Variants in EBPL observed in about 807,000 individuals in gnomAD.
EBPL encodes emopamil-binding protein-like.
EBPL carries 20 observed loss-of-function variants against 19.0 expected under a neutral mutation model. The ratio of observed to expected loss-of-function variants is 1.05; its 90% CI spans 0.74 to 1.53. The LOEUF (loss-of-function observed/expected upper bound fraction) is 1.53, where lower values mean the gene tolerates loss of function less well. Ranked by LOEUF, EBPL falls within the 40% of genes most tolerant of loss-of-function variation. The pLI, the probability that EBPL is intolerant of heterozygous loss-of-function variation, is 0.00. For synonymous variants in EBPL, 107 were observed against 117.0 expected (o/e 0.91, Z 0.55); for missense variants, 219 against 261.1 (o/e 0.84, Z 1.11).
intron 1 of EBPL, among the ~76,000 whole-genome samples, chr13:49,687,881 T>A (rs1291113495): frequency 6.6e-6 from 1 of 152,206 alleles, no homozygotes; most frequent in East Asian, 1.9e-4. Context: ...CACTAAATTA[T>A]CTTTATGAAG....
chr13:49,686,068 C>G (rs1276961684), intron 1 of EBPL, among the ~76,000 whole-genome samples: 1 of 152,222 alleles, frequency 6.6e-6, no homozygotes, highest in Non-Finnish European at 1.5e-5. Context: ...CCCAGGTTTT[C>G]TGTGACAGCT....
chr13:49,661,307 C>T (rs1188270815), intron 3 of EBPL, 99 bp from the exon 4 acceptor site: 20 of 1,004,714 alleles, frequency 2.0e-5, no homozygotes, highest in Middle Eastern at 2.1e-4. Context: ...CAACAGTCTT[C>T]GCTATGAAAA....
chr13:49,670,453 G>C (rs1953799686), intron 1 of EBPL, among the ~76,000 whole-genome samples: 1 of 152,158 alleles, frequency 6.6e-6, no homozygotes, highest in African/African-American at 2.4e-5. Context: ...TAAACAGCTA[G>C]AAGCCACTGG....
chr13:49,674,608 G>A (rs1316998374), intron 1 of EBPL, among the ~76,000 whole-genome samples: 2 of 127,264 alleles, frequency 1.6e-5, no homozygotes, highest in African/African-American at 5.5e-5. Flanking sequence ...TTTGGCAACT[G>A]TCAGGACTTA....
chr13:49,675,121 T>C (rs566210015), intron 1 of EBPL, among the ~76,000 whole-genome samples: 3 of 152,310 alleles, frequency 2.0e-5, no homozygotes, highest in African/African-American at 7.2e-5. Context: ...TTAGACAGTT[T>C]TGTCATTGTG....
At chr13:49,676,251 T>C (rs961088085) in intron 1 of EBPL, among the ~76,000 whole-genome samples, 2 of 86,392 alleles carry the variant, frequency 2.3e-5, no homozygotes, top group Non-Finnish European at 3.2e-5. Flanking sequence ...GCAGTGAATC[T>C]TGAGCCCCCC....
chr13:49,669,132 G>C (rs1288528312), intron 2 of EBPL, among the ~76,000 whole-genome samples: 2 of 152,148 alleles, frequency 1.3e-5, no homozygotes, highest in Non-Finnish European at 2.9e-5. Flanking sequence ...ACCTGCCTCA[G>C]CCTCCCAAAG....
intron 1 of EBPL, among the ~76,000 whole-genome samples, chr13:49,676,538 G>A (rs1566318312): frequency 6.6e-6 from 1 of 152,080 alleles, no homozygotes; most frequent in Non-Finnish European, 1.5e-5. Flanking sequence ...CTTCCAGTGA[G>A]CCCAGATCAT....
At chr13:49,684,331 G>C (rs757682570) in intron 1 of EBPL, among the ~76,000 whole-genome samples, 4 of 152,190 alleles carry the variant, frequency 2.6e-5, no homozygotes, top group African/African-American at 4.8e-5. Flanking sequence ...ACAAATATAG[G>C]TATATCTCAA....
chr13:49,679,894 T>C (rs928733084), intron 1 of EBPL, among the ~76,000 whole-genome samples: 2 of 145,818 alleles, frequency 1.4e-5, no homozygotes, highest in African/African-American at 4.9e-5. Context: ...TATATATATA[T>C]ATTAGTCAAT....
At chr13:49,669,727 G>A in intron 2 of EBPL, 50 bp downstream of exon 2, 1 of 1,512,478 alleles carries the variant, frequency 6.6e-7, no homozygotes, top group South Asian at 1.1e-5. Context: ...AGTCACACTT[G>A]CAATAAACCT....
chr13:49,661,661 A>C (rs1965150398), intron 3 of EBPL: 2 of 866,066 alleles, frequency 2.3e-6, no homozygotes, highest in Non-Finnish European at 2.8e-6. Context: ...AATAATGCAA[A>C]TATCACAAAT....
intron 1 of EBPL, among the ~76,000 whole-genome samples, chr13:49,686,032 T>C (rs1043922257): frequency 2.0e-5 from 3 of 151,982 alleles, no homozygotes; most frequent in African/African-American, 7.3e-5. Context: ...AGGTGTTAGG[T>C]GGGATGCATG....
chr13:49,675,039 T>C (rs1023151383), intron 1 of EBPL, among the ~76,000 whole-genome samples: 3 of 152,216 alleles, frequency 2.0e-5, no homozygotes, highest in Admixed American at 1.3e-4. Flanking sequence ...GTATTTTAGG[T>C]ACCTCGTGTA....
chr13:49,669,710 G>A lies in EBPL; in HGVS notation c.241+67C>T, dbSNP rs1329759775. On this transcript the variant is annotated intron_variant, in intron 2 of 3. Coordinates refer to ENST00000242827, the MANE Select transcript of EBPL (RefSeq NM_032565.5). Reference sequence around the variant, plus strand: ...AAGTCATACAGTATATAATAGAGGCGTTTGACAGTCACACTTGCAATAAAC... The same window carrying A: ...AAGTCATACAGTATATAATAGAGGCATTTGACAGTCACACTTGCAATAAAC... 35 of 1,389,094 alleles carry A rather than the reference G, an allele frequency of 2.5e-5. No individual in the cohort carries two copies. In the East Asian group the frequency reaches 3.6e-4, roughly 14 times the overall value. The allele number at this position is 1,389,094 out of a possible 1,614,324, so 86.0% of individuals were successfully genotyped here.
intron 1 of EBPL, among the ~76,000 whole-genome samples, chr13:49,674,165 G>A (rs1953850926): frequency 6.6e-6 from 1 of 152,096 alleles, no homozygotes; most frequent in Non-Finnish European, 1.5e-5. Context: ...GTGCAGTGGT[G>A]CGACCTTGGC....
intron 1 of EBPL, among the ~76,000 whole-genome samples, chr13:49,677,456 C>A (rs1953888651): frequency 1.3e-5 from 2 of 152,180 alleles, no homozygotes; most frequent in Admixed American, 1.3e-4. Context: ...CTTACCCTAA[C>A]AGAACTCACA....
chr13:49,691,159 G>T (rs1954059142), intron 1 of EBPL, 95 bp downstream of exon 1: 8 of 1,112,242 alleles, frequency 7.2e-6, no homozygotes, highest in Non-Finnish European at 8.0e-6. Context: ...CGGCCAGCTC[G>T]CTGCAAAAAG....
chr13:49,677,882 G>C (rs1199863786), intron 1 of EBPL, among the ~76,000 whole-genome samples: 1 of 152,230 alleles, frequency 6.6e-6, no homozygotes, highest in African/African-American at 2.4e-5. Context: ...CTTCTGGTGG[G>C]TTCGTGGTCT....
Sources: gnomAD v4.1 joint callset for allele counts (sites outside exome capture counted in the v4.1 genomes callset) on GRCh38, gnomAD v4.1.1 for gene constraint, MANE v1.5 for transcripts, NCBI Gene and HGNC (gene_info 2026-07-23, HGNC 2026-07-21) for gene names.